Variants in LRMDA observed in about 807,000 individuals in gnomAD.
LRMDA encodes leucine-rich melanocyte differentiation-associated protein.
A neutral mutation model predicts 29.8 loss-of-function variants in LRMDA; 18 were observed. The observed-to-expected ratio is 0.60, with a 90% CI of 0.42 to 0.90. The LOEUF is 0.90. LRMDA is among the 40% of genes least tolerant of loss of function. LRMDA has a pLI of 0.00. For synonymous variants in LRMDA, 125 were observed against 109.4 expected, an observed-to-expected ratio of 1.14 and a Z score of -0.89; for missense variants, 273 against 273.9, an observed-to-expected ratio of 1.00 and a Z score of 0.02.
chr10:76,425,985 T>G (rs1564537953), intron 6 of LRMDA, among the ~76,000 whole-genome samples: 1 of 152,242 alleles, frequency 6.6e-6, no homozygotes, highest in African/African-American at 2.4e-5. Flanking sequence ...CCACGTTTTC[T>G]TAATCCAGTC....
chr10:76,235,219 G>C (rs557019234), intron 5 of LRMDA, among the ~76,000 whole-genome samples: 387 of 152,168 alleles, frequency 2.5e-3, no homozygotes, highest in Middle Eastern at 6.8e-3. Context: ...TCAGTTGGTG[G>C]AGCAGTCAGA....
chr10:76,345,130 G>A (rs370243081), intron 6 of LRMDA, among the ~76,000 whole-genome samples: 1 of 138,130 alleles, frequency 7.2e-6, no homozygotes, highest in Non-Finnish European at 1.5e-5. Context: ...GCAGTGGCGC[G>A]ATCTCGGCTC....
At chr10:75,716,857 A>G (rs1218799846) in intron 2 of LRMDA, among the ~76,000 whole-genome samples, 1 of 152,230 alleles carries the variant, frequency 6.6e-6, no homozygotes, top group East Asian at 1.9e-4. Flanking sequence ...TTGGTGGAAC[A>G]GGCTGATGGG....
chr10:76,185,521 T>C (rs1851132043), intron 5 of LRMDA, among the ~76,000 whole-genome samples: 1 of 152,212 alleles, frequency 6.6e-6, no homozygotes, highest in Non-Finnish European at 1.5e-5. Context: ...ATTGTTATTA[T>C]GATTATAAAG....
At chr10:76,191,913 C>T (rs1166271676) in intron 5 of LRMDA, among the ~76,000 whole-genome samples, 1 of 152,146 alleles carries the variant, frequency 6.6e-6, no homozygotes, top group Non-Finnish European at 1.5e-5. Context: ...GGGAGTGGCA[C>T]CAGGTTCAAA....
At chr10:75,630,904 T>C (rs1841313693) in intron 2 of LRMDA, among the ~76,000 whole-genome samples, 1 of 152,134 alleles carries the variant, frequency 6.6e-6, no homozygotes, top group Non-Finnish European at 1.5e-5. Context: ...ACTTTCCCCA[T>C]CCGGAGTTTG....
intron 2 of LRMDA, among the ~76,000 whole-genome samples, chr10:75,809,099 C>T (rs570456214): frequency 6.6e-6 from 1 of 152,198 alleles, no homozygotes; most frequent in East Asian, 1.9e-4. Flanking sequence ...CAGCTTGTTC[C>T]AGCTCCCCCA....
Position 75,726,680 on chromosome 10 carries a change from A to G in LRMDA, c.131+288186A>G, listed in dbSNP as rs11001483. ...TTCTGGAGTGTTTGAAATATGACCAATATGCCTACTTAGCCTTCCTTTGGA... is the reference window on the plus strand; with the variant it reads ...TTCTGGAGTGTTTGAAATATGACCAGTATGCCTACTTAGCCTTCCTTTGGA... On this transcript the variant is annotated intron_variant, in intron 2 of 6. Coordinates refer to ENST00000611255, the MANE Select transcript of LRMDA (RefSeq NM_001305581.2). 1.4e-3 allele frequency among the ~76,000 whole-genome samples: 212 copies of G among 152,310 alleles called. 6 individuals carry two copies. The East Asian group carries it at 0.031, about 22-fold the overall frequency.
At chr10:76,040,924 T>G (rs971869457) in intron 3 of LRMDA, among the ~76,000 whole-genome samples, 1 of 152,228 alleles carries the variant, frequency 6.6e-6, no homozygotes, top group African/African-American at 2.4e-5. Context: ...GTTACACAGC[T>G]GGGCTGTGGC....
chr10:76,526,376 A>T (rs1368540337), intron 6 of LRMDA, among the ~76,000 whole-genome samples: 2 of 152,098 alleles, frequency 1.3e-5, no homozygotes, highest in African/African-American at 4.8e-5. Context: ...CATGGTCTCA[A>T]AATGGTTGCT....
At chr10:75,431,896 C>T (rs1025321391) in intron 1 of LRMDA, 142 bp downstream of exon 1, 18 of 842,602 alleles carry the variant, frequency 2.1e-5, no homozygotes, top group African/African-American at 5.4e-5. Flanking sequence ...TTCAGGTGCT[C>T]AGGCTCGCCC....
At chr10:75,682,432 G>T (rs1842033913) in intron 2 of LRMDA, among the ~76,000 whole-genome samples, 1 of 95,090 alleles carries the variant, frequency 1.1e-5, no homozygotes, top group African/African-American at 2.7e-5. Flanking sequence ...AGTGTGTGTG[G>T]GGGTGTGTGT....
chr10:76,379,106 C>T (rs1333572804), intron 6 of LRMDA, among the ~76,000 whole-genome samples: 2 of 151,870 alleles, frequency 1.3e-5, no homozygotes, highest in East Asian at 3.9e-4. Context: ...ATCCACCCAC[C>T]TCGGCCTCCC....
chr10:75,546,169 G>T (rs1422662286), intron 2 of LRMDA, among the ~76,000 whole-genome samples: 1 of 152,130 alleles, frequency 6.6e-6, no homozygotes, highest in African/African-American at 2.4e-5. Flanking sequence ...CCAGTGTTGG[G>T]CATGGTGCCA....
intron 5 of LRMDA, among the ~76,000 whole-genome samples, chr10:76,134,019 AC>A (rs1170683532): frequency 1.3e-5 from 2 of 151,498 alleles, no homozygotes; most frequent in East Asian, 2.0e-4. Context: ...CACCTCCCCC[AC>A]CCCCAACAAA....
intron 2 of LRMDA, among the ~76,000 whole-genome samples, chr10:75,704,164 AAGTC>A (rs1173219475): frequency 6.6e-6 from 1 of 152,244 alleles, no homozygotes; most frequent in Non-Finnish European, 1.5e-5. Flanking sequence ...ATAATAATTT[AAGTC>A]AGTTATAGTG....
intron 2 of LRMDA, among the ~76,000 whole-genome samples, chr10:75,584,914 C>T (rs1840639311): frequency 6.6e-6 from 1 of 152,170 alleles, no homozygotes; most frequent in South Asian, 2.1e-4. Context: ...GGCAGCAGTT[C>T]AGGTACCTGA....
intron 2 of LRMDA, among the ~76,000 whole-genome samples, chr10:75,686,824 G>A (rs1373047305): frequency 6.6e-6 from 1 of 152,178 alleles, no homozygotes; most frequent in Non-Finnish European, 1.5e-5. Context: ...GTCTGTTGGT[G>A]CCATTTTCCA....
intron 6 of LRMDA, among the ~76,000 whole-genome samples, chr10:76,469,352 A>G (rs1266366278): frequency 6.6e-6 from 1 of 152,120 alleles, no homozygotes; most frequent in African/African-American, 2.4e-5. Flanking sequence ...GTCAGAGACT[A>G]CTGTTCTCTG....
Sources: allele counts gnomAD v4.1 joint callset (sites outside exome capture counted in the v4.1 genomes callset), GRCh38; gene constraint gnomAD v4.1.1; transcripts MANE v1.5; gene names NCBI Gene and HGNC (gene_info 2026-07-23, HGNC 2026-07-21).